The following ELK3 variants were observed in gnomAD, a reference collection of about 807,000 sequenced individuals.
ELK3 encodes the protein ETS transcription factor ELK3, also known as ETS domain-containing protein Elk-3.
A neutral mutation model predicts 28.9 loss-of-function variants in ELK3; 10 were observed. The ratio of observed to expected loss-of-function variants is 0.35; its 90% confidence interval spans 0.21 to 0.59. The LOEUF (loss-of-function observed/expected upper bound fraction) is 0.59. Among genes scored for constraint, ELK3 ranks in the 20% least tolerant of loss-of-function variants. The pLI is 0.82. For missense variants in ELK3, 463 were observed against 517.3 expected (o/e 0.90, Z 1.02); for synonymous variants, 272 against 243.5 (o/e 1.12, Z -1.09).
In ELK3 at chr12:96,223,599, G is replaced by A. The variant is rs1179842359; in HGVS notation, c.33G>A (p.Leu11=). The A allele has an allele frequency of 7.4e-6, 12 of 1,614,152 alleles. No individual in the cohort carries two copies. The highest frequency in any genetic ancestry group is 2.2e-5 in the East Asian group (1 of 44,890). MESAITLWQF[L]LQLLLDQKHE... is the part of the protein sequence containing the mutation. ...GTGCAATCACGCTGTGGCAGTTCCT[G>A]TTGCAGTTGCTGCTGGATCAGAAAC... Residue 11 remains leucine (L), a synonymous_variant, in exon 2 of 5, where the codon CTG becomes CTA. Transcript: ENST00000228741.
Position 96,249,943 on chromosome 12 carries a change from GCAGTGAGGGTGCCTGGTCCT to G in ELK3, c.1002+2213_1002+2232del, listed in dbSNP as rs1047567428. 8.5e-5 allele frequency among the ~76,000 whole-genome samples: 13 copies of G among 152,320 alleles called. No homozygotes were observed. The South Asian group carries it at 2.1e-3, about 24-fold the overall frequency. On this transcript the variant is annotated intron_variant, in intron 3 of 4. Coordinates refer to ENST00000228741, the MANE Select transcript of ELK3 (RefSeq NM_005230.4). ...CTTTACAAGAGGACCTGTGCCTTAG[GCAGTGAGGGTGCCTGGTCCT>G]CAGCCAAGCTGTGAGGGTGGGGCTG... is the stretch of plus-strand genomic sequence containing the variant.
intron 1 of ELK3, among the ~76,000 whole-genome samples, chr12:96,219,138 C>A (rs1162435905): frequency 1.3e-5 from 2 of 152,140 alleles, no homozygotes; most frequent in African/African-American, 4.8e-5. Flanking sequence ...ATCTCAAGTA[C>A]CACCACTTTT....
At chr12:96,229,523 C>CTTTTTTT (rs10578974) in intron 2 of ELK3, among the ~76,000 whole-genome samples, 3 of 66,272 alleles carry the variant, frequency 4.5e-5, no homozygotes, top group African/African-American at 6.7e-5. Context: ...CCAGATTTTC[C>CTTTTTTT]TTTTTTTTTT....
intron 3 of ELK3, among the ~76,000 whole-genome samples, chr12:96,249,388 C>T (rs951970193): frequency 4.6e-5 from 7 of 152,032 alleles, no homozygotes; most frequent in East Asian, 1.9e-4. Context: ...CGCGCCACTG[C>T]GGAGGGGGAG....
At chr12:96,250,370 C>T (rs150155319) in intron 3 of ELK3, among the ~76,000 whole-genome samples, 2 of 152,126 alleles carry the variant, frequency 1.3e-5, no homozygotes, top group East Asian at 1.9e-4. Flanking sequence ...TTCTTGCAGC[C>T]GGTTTCACCC....
At chr12:96,258,836 C>G (rs1381185647) in intron 3 of ELK3, among the ~76,000 whole-genome samples, 1 of 152,182 alleles carries the variant, frequency 6.6e-6, no homozygotes, top group Non-Finnish European at 1.5e-5. Flanking sequence ...AAGGGCCCTC[C>G]CTGCCCCCAC....
intron 1 of ELK3, among the ~76,000 whole-genome samples, chr12:96,205,496 C>T (rs570612395): frequency 1.3e-5 from 2 of 152,222 alleles, no homozygotes; most frequent in Non-Finnish European, 2.9e-5. Flanking sequence ...CTTTTAGAGA[C>T]AGCATCTTGC....
intron 3 of ELK3, among the ~76,000 whole-genome samples, chr12:96,258,752 G>C (rs978595689): frequency 6.6e-6 from 1 of 152,154 alleles, no homozygotes; most frequent in Non-Finnish European, 1.5e-5. Flanking sequence ...CCTGCTGTGT[G>C]TGTGCAAGAA....
chr12:96,214,301 T>G (rs1293866742), intron 1 of ELK3, among the ~76,000 whole-genome samples: 1 of 151,958 alleles, frequency 6.6e-6, no homozygotes, highest in Non-Finnish European at 1.5e-5. Flanking sequence ...GGCAGTGGTG[T>G]GCGCCTGTAG....
chr12:96,195,008 A>C (rs1161541844), intron 1 of ELK3, among the ~76,000 whole-genome samples: 1 of 151,344 alleles, frequency 6.6e-6, no homozygotes, highest in African/African-American at 2.4e-5. Context: ...CTGCGACCCC[A>C]GAGGAAGGGG....
intron 3 of ELK3, among the ~76,000 whole-genome samples, chr12:96,258,303 G>A (rs1455201333): frequency 6.6e-6 from 1 of 152,192 alleles, no homozygotes. Context: ...AACCTCATAG[G>A]TCATTCAGTA....
At chr12:96,198,342 G>A (rs1368480153) in intron 1 of ELK3, among the ~76,000 whole-genome samples, 1 of 152,186 alleles carries the variant, frequency 6.6e-6, no homozygotes, top group Non-Finnish European at 1.5e-5. Flanking sequence ...GGTTACAGGT[G>A]TGAACCTCTG....
In ELK3 at chr12:96,198,112, C is replaced by T. The variant is rs376373378; in HGVS notation, c.-3+3407C>T. On this transcript the variant is annotated intron_variant, in intron 1 of 4. Transcript: ENST00000228741. ...CATAGAAAACTATCCAAGAATGTGA[C>T]TTCCTGGAGTAGAGTCTTTTTTCAC... 17 of 152,302 alleles carry T rather than the reference C, an allele frequency of 1.1e-4. No individual in the cohort carries two copies. The East Asian group carries it at 2.9e-3, about 26-fold the overall frequency. 9.4% of individuals were successfully genotyped at this position (152,302 alleles called of 1,614,324 possible).
intron 2 of ELK3, among the ~76,000 whole-genome samples, chr12:96,234,268 C>T (rs544343024): frequency 6.6e-6 from 1 of 152,310 alleles, no homozygotes; most frequent in South Asian, 2.1e-4. Flanking sequence ...CCGGGAGCGC[C>T]GTCAACACTG....
intron 4 of ELK3, among the ~76,000 whole-genome samples, chr12:96,260,359 T>C (rs1362792032): frequency 6.6e-6 from 1 of 152,216 alleles, no homozygotes; most frequent in African/African-American, 2.4e-5. Flanking sequence ...TCCTAGTTAA[T>C]GTAGCAACTT....
intron 1 of ELK3, chr12:96,198,090 A>T (rs1051917191): frequency 6.6e-6 from 1 of 152,206 alleles, no homozygotes; most frequent in Non-Finnish European, 1.5e-5. Flanking sequence ...AACACTTCAT[A>T]GAAAACTATC....
At chr12:96,259,531 G>A (rs1951977445) in intron 3 of ELK3, among the ~76,000 whole-genome samples, 200 bp from the exon 4 acceptor site, 1 of 152,210 alleles carries the variant, frequency 6.6e-6, no homozygotes, top group Non-Finnish European at 1.5e-5. Context: ...GGGTGACAGA[G>A]CGAGACTGTC....
At chr12:96,245,378 G>C (rs368545224) in intron 2 of ELK3, among the ~76,000 whole-genome samples, 1 of 152,100 alleles carries the variant, frequency 6.6e-6, no homozygotes, top group Non-Finnish European at 1.5e-5. Context: ...AGAATCTGTC[G>C]ATCTTGGTGG....
intron 2 of ELK3, among the ~76,000 whole-genome samples, chr12:96,228,927 T>C (rs1008916231): frequency 6.6e-6 from 1 of 152,238 alleles, no homozygotes; most frequent in African/African-American, 2.4e-5. Flanking sequence ...ATAAGGTGCT[T>C]AGCACAGTGT....
Sources: gnomAD v4.1 joint callset for allele counts (sites outside exome capture counted in the v4.1 genomes callset) on GRCh38, gnomAD v4.1.1 for gene constraint, MANE v1.5 for transcripts, NCBI Gene and HGNC (gene_info 2026-07-23, HGNC 2026-07-21) for gene names.